Variants in PCDHGB2 observed in about 807,000 individuals in gnomAD.
PCDHGB2 encodes the protein protocadherin gamma subfamily B, 2.
Under a neutral mutation model 59.3 loss-of-function variants are expected in PCDHGB2, and 55 were observed. That is an observed-to-expected ratio of 0.93 (90% confidence interval 0.75 to 1.16). The LOEUF (loss-of-function observed/expected upper bound fraction) is 1.16. Among genes scored for constraint, PCDHGB2 ranks in the 50% most tolerant of loss-of-function variants. PCDHGB2 has a pLI of 0.00. For synonymous variants in PCDHGB2, 516 were observed against 512.0 expected (o/e 1.01, Z -0.11); for missense variants, 1,228 against 1,198.5 (o/e 1.02, Z -0.36).
chr5:141,508,183 A>G (rs1596134418), intron 3 of PCDHGB2: 1 of 152,336 alleles, frequency 6.6e-6, no homozygotes, highest in African/African-American at 2.4e-5. Context: ...GAGAGAAGGC[A>G]TCACCCCCAC....
intron 1 of PCDHGB2, chr5:141,394,160 T>G (rs749389529): frequency 1.7e-5 from 27 of 1,613,534 alleles, no homozygotes; most frequent in Non-Finnish European, 2.3e-5. Flanking sequence ...ACGACAACCC[T>G]CCTACTTTCC....
chr5:141,493,330 A>G lies in PCDHGB2; in HGVS notation c.2422-1477A>G, dbSNP rs979607147. 6.6e-6 allele frequency among the ~76,000 whole-genome samples: 1 copy of G among 152,182 alleles called. No homozygotes were observed. Among genetic ancestry groups the G allele is most frequent in the Non-Finnish European group, 1.5e-5 (1 of 68,020 alleles). On this transcript the variant is annotated intron_variant, in intron 1 of 3. Coordinates refer to ENST00000522605, the MANE Select transcript of PCDHGB2 (RefSeq NM_018923.3). The surrounding 1 kb of genome is among the most constrained non-coding windows in gnomAD (Gnocchi z 4.3). ...GTAAGAGAGATTCTAACCCCTGTCT[A>G]ACTCCAGAATGTGTGCTTTTAATTT... is the stretch of plus-strand genomic sequence containing the variant.
intron 1 of PCDHGB2, chr5:141,385,051 C>T (rs1222079447): frequency 2.5e-6 from 4 of 1,614,036 alleles, no homozygotes; most frequent in Admixed American, 1.7e-5. Flanking sequence ...CAGGCTGCGG[C>T]GCTGGCACAA....
chr5:141,399,314 A>C (rs1309292354), intron 1 of PCDHGB2: 9 of 1,613,988 alleles, frequency 5.6e-6, no homozygotes, highest in Non-Finnish European at 1.7e-6. Context: ...TCATCCAAAA[A>C]TTCGTATAAG....
intron 1 of PCDHGB2, chr5:141,398,715 G>A: frequency 1.2e-6 from 2 of 1,613,850 alleles, no homozygotes; most frequent in Non-Finnish European, 1.7e-6. Flanking sequence ...AACTGGCACT[G>A]GAGAAAACCT....
At chr5:141,498,803 C>T (rs916966107) in intron 2 of PCDHGB2, among the ~76,000 whole-genome samples, 5 of 151,982 alleles carry the variant, frequency 3.3e-5, no homozygotes, top group African/African-American at 1.2e-4. Flanking sequence ...TGTGGTGGTG[C>T]ACACCTGTAG....
intron 2 of PCDHGB2, among the ~76,000 whole-genome samples, chr5:141,501,847 C>T (rs976699397): frequency 1.3e-5 from 2 of 152,140 alleles, no homozygotes; most frequent in Admixed American, 6.5e-5. Context: ...GGCCCTCAAC[C>T]TTCAACCATT....
chr5:141,459,545 T>G (rs534173050), intron 1 of PCDHGB2, among the ~76,000 whole-genome samples: 81 of 152,348 alleles, frequency 5.3e-4, no homozygotes, highest in South Asian at 1.0e-3. Context: ...TTTTTTTATT[T>G]CTCTTGGATA....
intron 1 of PCDHGB2, chr5:141,399,509 AC>A: frequency 6.2e-7 from 1 of 1,613,968 alleles, no homozygotes; most frequent in Non-Finnish European, 8.5e-7. Flanking sequence ...CCCGAAAACA[AC>A]CCTCCTGGGG....
intron 1 of PCDHGB2, chr5:141,413,387 T>A (rs902208287): frequency 1.2e-6 from 2 of 1,613,908 alleles, no homozygotes; most frequent in Non-Finnish European, 1.7e-6. Context: ...GTCCGCATAG[T>A]CTCCAGAGGT....
At chr5:141,453,932 C>T (rs57919166) in intron 1 of PCDHGB2, among the ~76,000 whole-genome samples, 2 of 152,296 alleles carry the variant, frequency 1.3e-5, no homozygotes, top group African/African-American at 4.8e-5. Context: ...TCACTGTGTG[C>T]CTATAATTTA....
intron 1 of PCDHGB2, chr5:141,382,959 G>T: frequency 6.2e-7 from 1 of 1,607,442 alleles, no homozygotes; most frequent in Non-Finnish European, 8.5e-7. Flanking sequence ...CCATCCTCCT[G>T]GGGACCCCCT....
Position 141,501,335 on chromosome 5 carries a change from C to A in PCDHGB2, c.2481-4058C>A, listed in dbSNP as rs977626682. 1.5e-4 allele frequency among the ~76,000 whole-genome samples: 20 copies of A among 135,718 alleles called. No individual in the cohort carries two copies. In the East Asian group the frequency reaches 2.2e-3, roughly 15 times the overall value. The allele number at this position is 135,718 out of a possible 152,430, so 89.0% of individuals were successfully genotyped here. The stretch of plus-strand genomic sequence containing the variant: ...CACACACACACACACACACACACAC[C>A]CCAAACTCAATAGGGCAAGAACCAT... On this transcript the variant is annotated intron_variant, in intron 2 of 3. Transcript: ENST00000522605.
At position 141,481,036 on chromosome 5, in the gene PCDHGB2, C is replaced by T. The variant is rs1040377549; in HGVS notation, c.2422-13771C>T. Among the ~76,000 whole-genome samples, 19 of 151,964 alleles carry T rather than the reference C, an allele frequency of 1.3e-4. 1 individual carries two copies. The highest frequency in any genetic ancestry group is 3.4e-4 in the African/African-American group (14 of 41,456). ...TCACACCACTGCACTCCAGCCTGGG[C>T]GACAGAGCGAGACTCCACCTCAAAA... is the stretch of plus-strand genomic sequence containing the variant. On this transcript the variant is annotated intron_variant, in intron 1 of 3. Transcript: ENST00000522605.
chr5:141,374,433 A>T, intron 1 of PCDHGB2: 1 of 1,613,990 alleles, frequency 6.2e-7, no homozygotes. Flanking sequence ...CTGAATCTTT[A>T]TCCCGTGGAA....
At position 141,415,074 on chromosome 5, in the gene PCDHGB2, G is replaced by C; in HGVS notation, c.2421+52518G>C. 3 of 1,613,448 alleles carry C rather than the reference G, an allele frequency of 1.9e-6. No homozygotes were observed. In the South Asian group the frequency reaches 3.3e-5, roughly 18 times the overall value. On this transcript the variant is annotated intron_variant, in intron 1 of 3. Coordinates refer to ENST00000522605, the MANE Select transcript of PCDHGB2 (RefSeq NM_018923.3). ...AGCACACGGGCGAGGTGCGCACGGCGCGAGCCCTGCTGGACAGAGACGCGC... is the reference window on the plus strand; with the variant it reads ...AGCACACGGGCGAGGTGCGCACGGCCCGAGCCCTGCTGGACAGAGACGCGC...
rs533686455 is a variant in PCDHGB2, at chr5:141,369,964, G to A, written c.2421+7408G>A. Among the ~76,000 whole-genome samples the A allele has an allele frequency of 3.5e-4, 53 of 152,298 alleles. No homozygotes were observed. The East Asian group carries it at 5.2e-3, about 15-fold the overall frequency. ...CAAGATTATCTCTGCCCTTTGACAA[G>A]TAAAAGGTACTTGATTTGGATGGAT... On this transcript the variant is annotated intron_variant, in intron 1 of 3. Coordinates refer to ENST00000522605, the MANE Select transcript of PCDHGB2 (RefSeq NM_018923.3).
rs1405122386 is a variant in PCDHGB2 at position 141,360,463 on chromosome 5, G to A, written c.328G>A (p.Ala110Thr). 1 of 1,613,904 alleles carries A rather than the reference G, an allele frequency of 6.2e-7. No individual in the cohort carries two copies. The highest frequency in any genetic ancestry group is 1.1e-5 in the South Asian group (1 of 91,072). ...GTGTGTTCTGGATTTCGATACTGTC[G>A]CTGAAAATCCACTAAATATTTTCTA... The part of the protein sequence containing the change: ...PLCVLDFDTV[A>T]ENPLNIFYIA... The change falls in exon 1 of 4, where the codon GCT becomes ACT. Residue 110 changes from alanine (A) to threonine (T), a missense_variant. Physicochemically the swap from Ala to Thr is moderately conservative, Grantham distance 58. Coordinates refer to ENST00000522605, the MANE Select transcript of PCDHGB2 (RefSeq NM_018923.3).
chr5:141,425,119 T>G (rs1234720658), intron 1 of PCDHGB2, among the ~76,000 whole-genome samples: 1 of 152,220 alleles, frequency 6.6e-6, no homozygotes, highest in Non-Finnish European at 1.5e-5. Context: ...ACATTTTTCT[T>G]GAAGTCAAGA....
Sources: gnomAD v4.1 joint callset for allele counts (sites outside exome capture counted in the v4.1 genomes callset) on GRCh38, gnomAD v4.1.1 for gene constraint, Gnocchi (gnomAD v3.1) non-coding constraint, MANE v1.5 for transcripts, NCBI Gene and HGNC (gene_info 2026-07-23, HGNC 2026-07-21) for gene names.